DPYSL3: variants seen among roughly 807,000 people sequenced by gnomAD.
The protein encoded by DPYSL3 is dihydropyrimidinase-related protein 3.
Under a neutral mutation model 66.1 loss-of-function variants are expected in DPYSL3, and 16 were observed. The observed-to-expected ratio is 0.24, with a 90% CI of 0.16 to 0.37. The LOEUF (loss-of-function observed/expected upper bound fraction) is 0.37, where lower values mean the gene tolerates loss of function less well. Among genes scored for constraint, DPYSL3 ranks in the 10% least tolerant of loss-of-function variants. The probability of loss-of-function intolerance (pLI) is 1.00; values close to 1 mark genes in which losing one functional copy is unlikely to be tolerated. For synonymous variants in DPYSL3, 338 were observed against 345.1 expected (o/e 0.98, Z 0.23); for missense variants, 738 against 916.2 (o/e 0.81, Z 2.51).
At position 147,395,585 on chromosome 5, in the gene DPYSL3, A is replaced by T; in HGVS notation, c.1940T>A (p.Leu647His). Residue 647 changes from leucine to histidine, a missense_variant, in exon 13 of 14, where the codon CTT (leucine) becomes CAT (histidine). Physicochemically the swap from Leu to His is moderately conservative, Grantham distance 99 (BLOSUM62 -3). Transcript: ENST00000343218. ...PTRPNPPVRN[L>H]HQSGFSLSGT... ...TGACAGGCTAAATCCCGACTGATGAAGATTCCTCACAGGTGGGTTCGGCCG... is the reference window on the plus strand; with the variant it reads ...TGACAGGCTAAATCCCGACTGATGATGATTCCTCACAGGTGGGTTCGGCCG... The T allele has an allele frequency of 6.2e-7, 1 of 1,613,696 alleles. No individual in the cohort carries two copies. Among genetic ancestry groups the T allele is most frequent in the Non-Finnish European group, 8.5e-7 (1 of 1,179,854 alleles).
chr5:147,506,193 TATA>T (rs1489940232), intron 1 of DPYSL3, among the ~76,000 whole-genome samples: 1 of 152,136 alleles, frequency 6.6e-6, no homozygotes, highest in Non-Finnish European at 1.5e-5. Flanking sequence ...ATTATTATGA[TATA>T]ATAGAAAGAT....
chr5:147,425,105 A>G (rs1161484328), intron 1 of DPYSL3, 142 bp from the exon 2 acceptor site: 11 of 555,954 alleles, frequency 2.0e-5, no homozygotes, highest in East Asian at 1.5e-4. Context: ...AATGCACTCA[A>G]CATTTAAAGT....
At chr5:147,468,603 G>A (rs559443111) in intron 1 of DPYSL3, among the ~76,000 whole-genome samples, 4 of 152,036 alleles carry the variant, frequency 2.6e-5, no homozygotes, top group African/African-American at 7.3e-5. Flanking sequence ...AAAGACTATC[G>A]CAAGAAACTA....
At chr5:147,468,216 C>T (rs987178558) in intron 1 of DPYSL3, among the ~76,000 whole-genome samples, 4 of 152,136 alleles carry the variant, frequency 2.6e-5, no homozygotes, top group Non-Finnish European at 5.9e-5. Context: ...ATTTTTAACA[C>T]CCACATATCT....
At chr5:147,502,970 C>T (rs1199973171) in intron 1 of DPYSL3, among the ~76,000 whole-genome samples, 2 of 152,194 alleles carry the variant, frequency 1.3e-5, no homozygotes, top group African/African-American at 2.4e-5. Context: ...TACTGGCCCA[C>T]CTCCACATGC....
intron 1 of DPYSL3, among the ~76,000 whole-genome samples, chr5:147,497,063 T>C (rs1315262441): frequency 6.6e-6 from 1 of 152,200 alleles, no homozygotes; most frequent in Non-Finnish European, 1.5e-5. Flanking sequence ...CGGAATACTA[T>C]GCAGCCATAA....
chr5:147,407,388 T>C (rs1036241095), intron 7 of DPYSL3, among the ~76,000 whole-genome samples: 4 of 150,344 alleles, frequency 2.7e-5, no homozygotes, highest in Admixed American at 1.3e-4. Context: ...TAAGGGGAGG[T>C]TGAAAAAACA....
chr5:147,478,050 T>A (rs1168856948), intron 1 of DPYSL3, among the ~76,000 whole-genome samples: 3 of 152,230 alleles, frequency 2.0e-5, no homozygotes, highest in Non-Finnish European at 4.4e-5. Flanking sequence ...TTGAGCTCTC[T>A]TTTTCATTAT....
At position 147,452,188 on chromosome 5, in the gene DPYSL3, G is replaced by T. The variant is rs556768511; in HGVS notation, c.382-27225C>A. ...CATTTGACAATAAAACATAGTAGGCGCAAGGGAGGCTTCTTCCTGCCTGCA... is the reference window on the plus strand; with the variant it reads ...CATTTGACAATAAAACATAGTAGGCTCAAGGGAGGCTTCTTCCTGCCTGCA... On this transcript the variant is annotated intron_variant, in intron 1 of 13. Transcript: ENST00000343218. 1.8e-4 allele frequency among the ~76,000 whole-genome samples: 28 copies of T among 152,302 alleles called. No homozygotes were observed. In the South Asian group the frequency reaches 5.6e-3, roughly 30 times the overall value.
chr5:147,505,257 C>T (rs959456169), intron 1 of DPYSL3, among the ~76,000 whole-genome samples: 4 of 148,412 alleles, frequency 2.7e-5, no homozygotes, highest in African/African-American at 7.4e-5. Flanking sequence ...TTTTTTGAGA[C>T]GGAGTCTCAC....
intron 1 of DPYSL3, among the ~76,000 whole-genome samples, chr5:147,475,257 T>A (rs1183718060): frequency 6.6e-6 from 1 of 152,098 alleles, no homozygotes; most frequent in African/African-American, 2.4e-5. Flanking sequence ...CCTAACAGTA[T>A]TGTACAGATG....
intron 1 of DPYSL3, among the ~76,000 whole-genome samples, chr5:147,443,671 T>C (rs189105210): frequency 2.8e-3 from 423 of 151,842 alleles, no homozygotes; most frequent in African/African-American, 9.8e-3. Flanking sequence ...TACAGAGCCA[T>C]AGTAAGTCAA....
Position 147,509,358 on chromosome 5 carries a change from C to A in DPYSL3, c.381+120G>T. ...ACGCTCAGTGGAGGATGACCCTTTC[C>A]TCCTCCTTGTCCCCCAGCCCCGTGC... is the stretch of plus-strand genomic sequence containing the variant. On this transcript the variant is annotated intron_variant, in intron 1 of 13. Coordinates refer to ENST00000343218, the MANE Select transcript of DPYSL3 (RefSeq NM_001197294.2). This position sits in a 1 kb window ranked among gnomAD's most constrained non-coding sequence, Gnocchi z 5.3. The A allele has an allele frequency of 7.6e-7, 1 of 1,308,350 alleles. No homozygotes were observed. Among genetic ancestry groups the A allele is most frequent in the Non-Finnish European group, 1.0e-6 (1 of 986,532 alleles). The allele number at this position is 1,308,350 out of a possible 1,614,324, so 81.0% of individuals were successfully genotyped here. A position where few individuals can be genotyped will look rare whatever the true frequency, so the allele number is the denominator to read the frequency against.
intron 6 of DPYSL3, among the ~76,000 whole-genome samples, chr5:147,411,742 G>C (rs1751858234): frequency 6.6e-6 from 1 of 152,178 alleles, no homozygotes; most frequent in Non-Finnish European, 1.5e-5. Flanking sequence ...CATTCACCAA[G>C]TTCTGGTCAA....
At chr5:147,474,657 G>GCCTGC (rs1196222793) in intron 1 of DPYSL3, among the ~76,000 whole-genome samples, 6 of 151,984 alleles carry the variant, frequency 3.9e-5, no homozygotes, top group Non-Finnish European at 8.8e-5. Context: ...TGCATAGAAA[G>GCCTGC]CACTGTACAT....
intron 5 of DPYSL3, 58 bp downstream of exon 5, chr5:147,413,538 C>T: frequency 7.1e-7 from 1 of 1,398,628 alleles, no homozygotes; most frequent in Admixed American, 1.7e-5. Flanking sequence ...CCAAGGTCAT[C>T]AACAACAATA....
chr5:147,509,901 G>A lies in DPYSL3; in HGVS notation c.-43C>T, dbSNP rs1050663637. Reference sequence around the variant, plus strand: ...GGCCCGCGGGTTTTTCTTCCCCAGAGGCGGAAAGGGCAGCCGCCGGCAGCG... The same window carrying A: ...GGCCCGCGGGTTTTTCTTCCCCAGAAGCGGAAAGGGCAGCCGCCGGCAGCG... On this transcript the variant is annotated 5_prime_UTR_variant, in exon 1 of 14. Coordinates refer to ENST00000343218, the MANE Select transcript of DPYSL3 (RefSeq NM_001197294.2). The surrounding 1 kb of genome is among the most constrained non-coding windows in gnomAD (Gnocchi z 5.3). 33 of 1,471,138 alleles carry A rather than the reference G, an allele frequency of 2.2e-5. 1 individual carries two copies. In the Middle Eastern group the frequency reaches 2.4e-3, roughly 109 times the overall value. The allele number at this position is 1,471,138 out of a possible 1,614,324, so 91.1% of individuals were successfully genotyped here. A position where few individuals can be genotyped will look rare whatever the true frequency, so the allele number is the denominator to read the frequency against.
In DPYSL3 at chr5:147,453,628, T is replaced by C. The variant is rs779343461; in HGVS notation, c.382-28665A>G. ...TGCAGCGGCTGGCTCCCTCCCTCCT[T>C]CTTCTGCTCCGGCTCGCCCGCGCCT... On this transcript the variant is annotated intron_variant, in intron 1 of 13. Coordinates refer to ENST00000343218, the MANE Select transcript of DPYSL3 (RefSeq NM_001197294.2). 74 of 1,519,998 alleles carry C rather than the reference T, an allele frequency of 4.9e-5. No homozygotes were observed. The Admixed American group carries it at 7.9e-4, about 16-fold the overall frequency. The allele number at this position is 1,519,998 out of a possible 1,614,324, so 94.2% of individuals were successfully genotyped here. A position where few individuals can be genotyped will look rare whatever the true frequency, so the allele number is the denominator to read the frequency against.
intron 1 of DPYSL3, among the ~76,000 whole-genome samples, chr5:147,471,183 G>C (rs983834357): frequency 6.6e-6 from 1 of 152,172 alleles, no homozygotes; most frequent in African/African-American, 2.4e-5. Flanking sequence ...TACTAATGGG[G>C]AGGAGGAAAG....
Sources: gnomAD v4.1 joint callset for allele counts (sites outside exome capture counted in the v4.1 genomes callset) on GRCh38, gnomAD v4.1.1 for gene constraint, Gnocchi (gnomAD v3.1) non-coding constraint, MANE v1.5 for transcripts, NCBI Gene and HGNC (gene_info 2026-07-23, HGNC 2026-07-21) for gene names.